Variants in WWOX observed in about 807,000 individuals in gnomAD.
The protein encoded by WWOX is WW domain containing oxidoreductase.
WWOX carries 69 observed loss-of-function variants against 46.2 expected under a neutral mutation model. The ratio of observed to expected loss-of-function variants is 1.49; its 90% CI spans 1.23 to 1.82. WWOX has a LOEUF of 1.82. WWOX is among the 40% of genes most tolerant of loss of function. The pLI, the probability that WWOX is intolerant of heterozygous loss-of-function variation, is 0.00. For synonymous variants in WWOX, 359 were observed against 202.6 expected, an observed-to-expected ratio of 1.77 and a Z score of -6.56; for missense variants, 919 against 542.6, an observed-to-expected ratio of 1.69 and a Z score of -6.89.
intron 8 of WWOX, among the ~76,000 whole-genome samples, chr16:78,581,475 C>T (rs185090425): frequency 2.1e-3 from 313 of 152,210 alleles, no homozygotes; most frequent in Non-Finnish European, 7.1e-4. Context: ...ATCTCATTGT[C>T]TTTATAGTTT....
intron 8 of WWOX, among the ~76,000 whole-genome samples, chr16:78,538,625 C>T (rs1310002335): frequency 6.6e-6 from 1 of 152,180 alleles, no homozygotes; most frequent in Non-Finnish European, 1.5e-5. Context: ...TTATATGCCT[C>T]CAAAGACTTT....
intron 8 of WWOX, among the ~76,000 whole-genome samples, chr16:78,879,389 T>C (rs560523303): frequency 1.3e-5 from 2 of 152,308 alleles, no homozygotes; most frequent in Admixed American, 1.3e-4. Flanking sequence ...TTATTTCAAA[T>C]TCCCAATTAG....
intron 5 of WWOX, among the ~76,000 whole-genome samples, chr16:78,299,615 C>T (rs1051141382): frequency 1.3e-5 from 2 of 151,694 alleles, no homozygotes; most frequent in Non-Finnish European, 2.9e-5. Context: ...GCAGCCTCCA[C>T]TTCCTAAGCT....
chr16:78,606,239 C>T (rs1274368729), intron 8 of WWOX, among the ~76,000 whole-genome samples: 1 of 152,138 alleles, frequency 6.6e-6, no homozygotes, highest in Non-Finnish European at 1.5e-5. Context: ...AACTGGCTCT[C>T]TTTGTAGTCT....
chr16:78,991,782 C>G (rs2046892480), intron 8 of WWOX, among the ~76,000 whole-genome samples: 1 of 152,034 alleles, frequency 6.6e-6, no homozygotes, highest in Admixed American at 6.6e-5. Flanking sequence ...TTTCCGTGTT[C>G]CCATAAGCTT....
At position 78,748,018 on chromosome 16, in the gene WWOX, G is replaced by C. The variant is rs561270432; in HGVS notation, c.1056+315266G>C. ...AAACTCCAAGTCCATCTGCGCCGAA[G>C]AGTATTGAACTTGGCCAGAGCACTT... On this transcript the variant is annotated intron_variant, in intron 8 of 8. Transcript: ENST00000566780. Among the ~76,000 whole-genome samples, 3 of 152,314 alleles carry C rather than the reference G, an allele frequency of 2.0e-5. No homozygotes were observed. The South Asian group carries it at 6.2e-4, about 32-fold the overall frequency.
chr16:78,759,952 G>T (rs2049750278), intron 8 of WWOX, among the ~76,000 whole-genome samples: 1 of 152,034 alleles, frequency 6.6e-6, no homozygotes, highest in African/African-American at 2.4e-5. Context: ...TTTTTTCTGT[G>T]ACTCTGACCT....
intron 8 of WWOX, among the ~76,000 whole-genome samples, chr16:78,555,144 C>G (rs912751595): frequency 1.4e-5 from 2 of 138,536 alleles, no homozygotes; most frequent in South Asian, 2.3e-4. Flanking sequence ...TTCTCTTTCT[C>G]TCATAGTTAA....
At chr16:78,655,179 G>A (rs540912039) in intron 8 of WWOX, among the ~76,000 whole-genome samples, 2 of 152,226 alleles carry the variant, frequency 1.3e-5, no homozygotes, top group African/African-American at 4.8e-5. Context: ...CTAGGCTGCA[G>A]TCTGAGAGTG....
intron 8 of WWOX, among the ~76,000 whole-genome samples, chr16:78,434,123 T>C (rs1048451442): frequency 7.9e-5 from 12 of 152,186 alleles, no homozygotes; most frequent in Admixed American, 6.5e-5. Flanking sequence ...CAAAAGTCTT[T>C]TGAAGTGCTT....
At chr16:78,401,798 C>G (rs1049641343) in intron 6 of WWOX, among the ~76,000 whole-genome samples, 2 of 152,014 alleles carry the variant, frequency 1.3e-5, no homozygotes, top group African/African-American at 4.8e-5. Context: ...CTCCTGGGTT[C>G]AAGTGATTCT....
intron 8 of WWOX, among the ~76,000 whole-genome samples, chr16:78,965,980 T>C (rs1199457702): frequency 6.6e-6 from 1 of 152,172 alleles, no homozygotes; most frequent in Non-Finnish European, 1.5e-5. Context: ...ATGCTGTGAT[T>C]TGGTTCTGCA....
chr16:78,666,274 G>A (rs984642662), intron 8 of WWOX, among the ~76,000 whole-genome samples: 1 of 152,026 alleles, frequency 6.6e-6, no homozygotes, highest in Non-Finnish European at 1.5e-5. Flanking sequence ...GGGTGACAGA[G>A]CAAGACACTG....
At chr16:78,771,726 T>C (rs1194023432) in intron 8 of WWOX, among the ~76,000 whole-genome samples, 1 of 151,968 alleles carries the variant, frequency 6.6e-6, no homozygotes, top group African/African-American at 2.4e-5. Context: ...GAGCCAAGAT[T>C]GTGCCACTGC....
At chr16:78,121,590 T>A (rs1479069920) in intron 4 of WWOX, among the ~76,000 whole-genome samples, 2 of 152,136 alleles carry the variant, frequency 1.3e-5, no homozygotes, top group African/African-American at 4.8e-5. Context: ...AATAGGGGTG[T>A]GTGTATGTTA....
At chr16:79,051,883 C>A (rs934346607) in intron 8 of WWOX, among the ~76,000 whole-genome samples, 1 of 152,192 alleles carries the variant, frequency 6.6e-6, no homozygotes, top group Non-Finnish European at 1.5e-5. Context: ...AAATATTTGC[C>A]CTGGCATGCT....
chr16:78,397,921 GT>G (rs1256174991), intron 6 of WWOX, among the ~76,000 whole-genome samples: 1 of 152,182 alleles, frequency 6.6e-6, no homozygotes, highest in African/African-American at 2.4e-5. Flanking sequence ...CTCAGTTAAG[GT>G]ACTCAGACTA....
chr16:78,165,584 G>T (rs897394287), intron 5 of WWOX, among the ~76,000 whole-genome samples: 1 of 152,136 alleles, frequency 6.6e-6, no homozygotes, highest in Non-Finnish European at 1.5e-5. Context: ...GGAGGAGGGG[G>T]AGGAGGAGAT....
At chr16:78,137,250 A>AC (rs1372959384) in intron 4 of WWOX, among the ~76,000 whole-genome samples, 2 of 152,016 alleles carry the variant, frequency 1.3e-5, no homozygotes. Context: ...ATGTGTGTCC[A>AC]CCCCCTAGTT....
Sources: gnomAD v4.1 joint callset for allele counts (sites outside exome capture counted in the v4.1 genomes callset) on GRCh38, gnomAD v4.1.1 for gene constraint, MANE v1.5 for transcripts, NCBI Gene and HGNC (gene_info 2026-07-23, HGNC 2026-07-21) for gene names.